Variants in PTPRD observed in about 807,000 individuals in gnomAD.
The protein encoded by PTPRD is receptor-type tyrosine-protein phosphatase delta.
In PTPRD, 34 loss-of-function variants were observed where a neutral mutation model predicts 214.5. That is an observed-to-expected ratio of 0.16 (90% CI 0.12 to 0.21). The LOEUF is 0.21. PTPRD is among the 10% of genes least tolerant of loss of function. The pLI is 1.00. For missense variants in PTPRD, 2,545 were observed against 2,398.7 expected, an observed-to-expected ratio of 1.06 and a Z score of -1.27; for synonymous variants, 1,128 against 845.7, an observed-to-expected ratio of 1.33 and a Z score of -5.79.
chr9:9,889,935 G>C (rs28406491), intron 5 of PTPRD, among the ~76,000 whole-genome samples: 4,916 of 152,032 alleles, frequency 0.032, 251 homozygotes, highest in African/African-American at 0.11. Flanking sequence ...CCTGAAGAAC[G>C]GCAGAGGGTG....
At chr9:9,453,464 C>T (rs184003580) in intron 8 of PTPRD, among the ~76,000 whole-genome samples, 17 of 151,500 alleles carry the variant, frequency 1.1e-4, no homozygotes, top group Admixed American at 2.6e-4. Flanking sequence ...ACATCTGTGT[C>T]GGGGAAATAT....
At chr9:9,333,379 A>G (rs191105895) in intron 9 of PTPRD, among the ~76,000 whole-genome samples, 2 of 151,204 alleles carry the variant, frequency 1.3e-5, no homozygotes, top group Non-Finnish European at 3.0e-5. Flanking sequence ...TGGAGTAAAG[A>G]CAGAGAGAGT....
At chr9:10,336,641 G>A (rs1285513069) in intron 3 of PTPRD, among the ~76,000 whole-genome samples, 2 of 151,558 alleles carry the variant, frequency 1.3e-5, no homozygotes, top group Non-Finnish European at 3.0e-5. Context: ...TAATATTTAT[G>A]TCTGTCCTAG....
chr9:9,595,785 A>C (rs955594786), intron 7 of PTPRD, among the ~76,000 whole-genome samples: 8 of 151,714 alleles, frequency 5.3e-5, no homozygotes, highest in Non-Finnish European at 1.0e-4. Context: ...GACTTTGAGG[A>C]CTCAGGGGGA....
At chr9:9,525,738 T>C (rs887528316) in intron 8 of PTPRD, among the ~76,000 whole-genome samples, 3 of 152,034 alleles carry the variant, frequency 2.0e-5, no homozygotes, top group Admixed American at 2.0e-4. Flanking sequence ...GAAATATGTA[T>C]AAAAGAGTTT....
chr9:10,145,822 T>C (rs182000215), intron 3 of PTPRD, among the ~76,000 whole-genome samples: 21 of 152,192 alleles, frequency 1.4e-4, no homozygotes, highest in Non-Finnish European at 1.6e-4. Context: ...TAAAATATGA[T>C]GGTAGAAAAT....
intron 5 of PTPRD, chr9:9,800,517 T>C (rs552757402): frequency 6.6e-6 from 1 of 152,314 alleles, no homozygotes; most frequent in African/African-American, 2.4e-5. Flanking sequence ...TAAAAGATCC[T>C]TTAATGATTT....
chr9:9,599,558 G>C (rs1456583612), intron 7 of PTPRD, among the ~76,000 whole-genome samples: 9 of 151,584 alleles, frequency 5.9e-5, no homozygotes, highest in Non-Finnish European at 8.8e-5. Context: ...TATTCTTCAG[G>C]TATCTTAATT....
intron 8 of PTPRD, among the ~76,000 whole-genome samples, chr9:9,547,796 T>TCACACACACACACACACACACACACA (rs35772205): frequency 2.8e-5 from 4 of 142,370 alleles, no homozygotes; most frequent in Non-Finnish European, 3.1e-5. Context: ...AAACACAAAT[T>TCACACACACACACACACACACACACA]CACACACACA....
intron 9 of PTPRD, among the ~76,000 whole-genome samples, chr9:9,385,843 C>T (rs1157652660): frequency 1.3e-5 from 2 of 152,114 alleles, no homozygotes; most frequent in Non-Finnish European, 2.9e-5. Context: ...TCCAAAGATA[C>T]ATAGAAGGTA....
At chr9:10,398,086 T>C (rs1157150465) in intron 2 of PTPRD, among the ~76,000 whole-genome samples, 1 of 151,436 alleles carries the variant, frequency 6.6e-6, no homozygotes, top group East Asian at 2.0e-4. Flanking sequence ...TTATATAATA[T>C]GTTAACCAGA....
intron 2 of PTPRD, among the ~76,000 whole-genome samples, chr9:10,574,215 G>A (rs1368027384): frequency 9.2e-5 from 14 of 151,968 alleles, no homozygotes; most frequent in Admixed American, 3.3e-4. Flanking sequence ...GTGTGTGTGC[G>A]TGCATGTGTG....
intron 2 of PTPRD, among the ~76,000 whole-genome samples, chr9:10,518,538 T>C (rs1170827592): frequency 6.6e-6 from 1 of 151,904 alleles, no homozygotes; most frequent in Non-Finnish European, 1.5e-5. Context: ...ATTTACAATT[T>C]TTTTTTTTTT....
At chr9:10,101,968 A>G (rs1010196615) in intron 3 of PTPRD, among the ~76,000 whole-genome samples, 2 of 151,738 alleles carry the variant, frequency 1.3e-5, no homozygotes, top group African/African-American at 2.4e-5. Context: ...CCATATGTCA[A>G]TTGGCCAGCC....
intron 11 of PTPRD, chr9:8,962,890 T>C (rs1302532682): frequency 6.6e-6 from 1 of 152,116 alleles, no homozygotes; most frequent in Admixed American, 6.6e-5. Context: ...TGAGGTGATA[T>C]GAATACTCCT....
Position 10,564,927 on chromosome 9 carries a change from T to A in PTPRD, c.-600+47471A>T, listed in dbSNP as rs911468419. ...ACCTGTCTAACTTCATCTTCTCTCT[T>A]TCATAAATAACCAGTTGACTATATT... On this transcript the variant is annotated intron_variant, in intron 2 of 45. Coordinates refer to ENST00000381196, the MANE Select transcript of PTPRD (RefSeq NM_002839.4). Among the ~76,000 whole-genome samples, 5 of 152,124 alleles carry A rather than the reference T, an allele frequency of 3.3e-5. No homozygotes were observed. In the East Asian group the frequency reaches 5.8e-4, roughly 18 times the overall value.
At chr9:8,426,677 G>T (rs2094697248) in intron 35 of PTPRD, among the ~76,000 whole-genome samples, 1 of 152,168 alleles carries the variant, frequency 6.6e-6, no homozygotes, top group Admixed American at 6.5e-5. Context: ...ATAAGGACTG[G>T]GAAACAGAAA....
rs185945092 is a variant in PTPRD at position 10,363,952 on chromosome 9, A to G, written c.-599-22935T>C. On this transcript the variant is annotated intron_variant, in intron 2 of 45. Transcript: ENST00000381196. Reference sequence around the variant, plus strand: ...TTTTGCTTCCCAGGCATAACTTCCCAATCAATATGTACTATTATTATTGCC... The same window carrying G: ...TTTTGCTTCCCAGGCATAACTTCCCGATCAATATGTACTATTATTATTGCC... Among the ~76,000 whole-genome samples the G allele has an allele frequency of 5.4e-5, 8 of 148,316 alleles. No individual in the cohort carries two copies. In the East Asian group the frequency reaches 1.6e-3, roughly 30 times the overall value.
intron 9 of PTPRD, among the ~76,000 whole-genome samples, chr9:9,208,819 T>C (rs534729633): frequency 5.4e-4 from 82 of 152,182 alleles, no homozygotes; most frequent in African/African-American, 1.9e-3. Flanking sequence ...CTTTTTTTTT[T>C]TTCTTTGAGA....
Sources: gnomAD v4.1 joint callset for allele counts (sites outside exome capture counted in the v4.1 genomes callset) on GRCh38, gnomAD v4.1.1 for gene constraint, MANE v1.5 for transcripts, NCBI Gene and HGNC (gene_info 2026-07-23, HGNC 2026-07-21) for gene names.